Variants in ASTN1 observed in about 807,000 individuals in gnomAD.
ASTN1 encodes astrotactin-1.
ASTN1 carries 41 observed loss-of-function variants against 140.7 expected under a neutral mutation model. The observed-to-expected ratio is 0.29, with a 90% confidence interval of 0.23 to 0.38. ASTN1 has a LOEUF of 0.38. ASTN1 is among the 10% of genes least tolerant of loss of function. The pLI is 1.00. For missense variants in ASTN1, 1,479 were observed against 1,678.8 expected (o/e 0.88, Z 2.08); for synonymous variants, 640 against 652.2 (o/e 0.98, Z 0.29).
At chr1:177,049,587 T>C (rs1271545643) in intron 2 of ASTN1, among the ~76,000 whole-genome samples, 1 of 152,194 alleles carries the variant, frequency 6.6e-6, no homozygotes, top group East Asian at 1.9e-4. Context: ...AAGTTTCACA[T>C]GTTTTTGAGA....
intron 10 of ASTN1, 122 bp downstream of exon 10, chr1:176,958,223 C>T (rs1306421686): frequency 4.1e-6 from 6 of 1,474,300 alleles, no homozygotes; most frequent in Admixed American, 2.1e-5. Context: ...AATTTGCAGG[C>T]TGCCTGCCAA....
At position 176,863,297 on chromosome 1, in the gene ASTN1, C is replaced by T; in HGVS notation, c.*987G>A. 3 of 985,858 alleles carry T rather than the reference C, an allele frequency of 3.0e-6. No homozygotes were observed. The highest frequency in any genetic ancestry group is 3.6e-6 in the Non-Finnish European group (3 of 829,928). The allele number at this position is 985,858 out of a possible 1,614,324, so 61.1% of individuals were successfully genotyped here. Reference sequence around the variant, plus strand: ...CAATAATAGCTTTAGTTCACTGTAACACTGATATGAAAGTGTTGACCCCTC... The same window carrying T: ...CAATAATAGCTTTAGTTCACTGTAATACTGATATGAAAGTGTTGACCCCTC... On this transcript the variant is annotated 3_prime_UTR_variant, in exon 23 of 23. Transcript: ENST00000361833.
At position 177,127,149 on chromosome 1, in the gene ASTN1, A is replaced by T. The variant is rs542789439; in HGVS notation, c.283+37245T>A. On this transcript the variant is annotated intron_variant, in intron 1 of 22. Transcript: ENST00000361833. ...AAAAAATGAAGTTTTATTTTTTTTT[A>T]AAAAAAGAAATTATTCTTCAATTCT... Among the ~76,000 whole-genome samples the T allele has an allele frequency of 4.4e-4, 67 of 151,414 alleles. 1 individual carries two copies. In the East Asian group the frequency reaches 7.9e-3, roughly 18 times the overall value.
intron 8 of ASTN1, among the ~76,000 whole-genome samples, chr1:176,977,296 T>G (rs1353797950): frequency 2.0e-5 from 3 of 152,254 alleles, no homozygotes; most frequent in Non-Finnish European, 4.4e-5. Flanking sequence ...CTCATTCATT[T>G]CTTCATTTAT....
Position 177,102,251 on chromosome 1 carries a change from A to T in ASTN1, c.284-40986T>A, listed in dbSNP as rs374631060. Among the ~76,000 whole-genome samples the T allele has an allele frequency of 9.2e-5, 14 of 152,234 alleles. 1 individual carries two copies. In the East Asian group the frequency reaches 1.5e-3, roughly 17 times the overall value. On this transcript the variant is annotated intron_variant, in intron 1 of 22. Transcript: ENST00000361833. ...AAACTTTGTTAAGTATTATAAGTCA[A>T]TACAGGGTTAAACATTTATATAACC...
At chr1:176,958,050 G>A (rs939296578) in intron 10 of ASTN1, among the ~76,000 whole-genome samples, 2 of 152,190 alleles carry the variant, frequency 1.3e-5, no homozygotes, top group Non-Finnish European at 2.9e-5. Flanking sequence ...AAAGAAAGAG[G>A]TCTAAACTCA....
At chr1:177,036,830 C>CT in intron 2 of ASTN1, among the ~76,000 whole-genome samples, 1 of 150,918 alleles carries the variant, frequency 6.6e-6, no homozygotes, top group Middle Eastern at 3.4e-3. Flanking sequence ...TTCTTTTTTT[C>CT]TTTTTTTGAG....
In ASTN1 at chr1:176,949,091, G is replaced by A. The variant is rs1211600361; in HGVS notation, c.2054+94C>T. On this transcript the variant is annotated intron_variant, in intron 12 of 22. Transcript: ENST00000361833. Reference sequence around the variant, plus strand: ...CAGAGACTAAGGGATGGCCTAGGGTGACCTATTCACTCACATTTCCTGGAT... The same window carrying A: ...CAGAGACTAAGGGATGGCCTAGGGTAACCTATTCACTCACATTTCCTGGAT... 5.3e-6 allele frequency: 8 copies of A among 1,518,786 alleles called. No homozygotes were observed. The African/African-American group carries it at 6.8e-5, about 13-fold the overall frequency. The allele number at this position is 1,518,786 out of a possible 1,614,324, so 94.1% of individuals were successfully genotyped here. A position where few individuals can be genotyped will look rare whatever the true frequency, so the allele number is the denominator to read the frequency against.
At position 177,128,721 on chromosome 1, in the gene ASTN1, T is replaced by C. The variant is rs565611827; in HGVS notation, c.283+35673A>G. ...AAGAATCTAAAAGACTAATCTCCTA[T>C]GGGGCAACTGAGGGAAAGAGTTGTT... On this transcript the variant is annotated intron_variant, in intron 1 of 22. Coordinates refer to ENST00000361833, the MANE Select transcript of ASTN1 (RefSeq NM_004319.3). 7.2e-5 allele frequency among the ~76,000 whole-genome samples: 11 copies of C among 152,278 alleles called. No homozygotes were observed. The South Asian group carries it at 2.3e-3, about 32-fold the overall frequency.
intron 1 of ASTN1, among the ~76,000 whole-genome samples, chr1:177,076,157 T>C (rs924008933): frequency 6.6e-6 from 1 of 151,324 alleles, no homozygotes; most frequent in Non-Finnish European, 1.5e-5. Context: ...CACGAGCCTG[T>C]AGTCCCAGCT....
chr1:176,892,697 C>G (rs904282888), intron 17 of ASTN1, among the ~76,000 whole-genome samples: 9 of 152,254 alleles, frequency 5.9e-5, no homozygotes, highest in African/African-American at 1.9e-4. Context: ...CAACAAAGGT[C>G]AGAAAATGGA....
At chr1:176,910,450 A>G (rs1480461458) in intron 16 of ASTN1, among the ~76,000 whole-genome samples, 1 of 152,240 alleles carries the variant, frequency 6.6e-6, no homozygotes, top group Non-Finnish European at 1.5e-5. Flanking sequence ...GTCCACTCAC[A>G]AGATACGATG....
chr1:176,954,590 A>G (rs1413066138), intron 11 of ASTN1, among the ~76,000 whole-genome samples: 2 of 152,206 alleles, frequency 1.3e-5, no homozygotes, highest in Admixed American at 6.5e-5. Context: ...AGGCACTAAG[A>G]TTATAAGTAC....
chr1:176,995,362 G>A (rs572783015), intron 8 of ASTN1, among the ~76,000 whole-genome samples: 85 of 152,232 alleles, frequency 5.6e-4, no homozygotes, highest in South Asian at 5.0e-3. Context: ...ACAGAAGAGG[G>A]CCACTTTATT....
At chr1:177,074,338 A>G (rs189791960) in intron 1 of ASTN1, among the ~76,000 whole-genome samples, 3 of 152,264 alleles carry the variant, frequency 2.0e-5, no homozygotes, top group Admixed American at 2.0e-4. Flanking sequence ...TTGCTTTCAT[A>G]ATAACTGAGT....
chr1:177,094,920 A>G (rs1679954891), intron 1 of ASTN1, among the ~76,000 whole-genome samples: 1 of 152,192 alleles, frequency 6.6e-6, no homozygotes, highest in South Asian at 2.1e-4. Flanking sequence ...ATTGGTATAA[A>G]TACAGATGAT....
intron 2 of ASTN1, among the ~76,000 whole-genome samples, chr1:177,053,377 G>T (rs1004432925): frequency 6.6e-6 from 1 of 152,136 alleles, no homozygotes; most frequent in Non-Finnish European, 1.5e-5. Context: ...TGAACTTCAG[G>T]AAAGAGAAAA....
intron 16 of ASTN1, among the ~76,000 whole-genome samples, chr1:176,928,257 G>A (rs566609398): frequency 6.6e-6 from 1 of 152,250 alleles, no homozygotes; most frequent in Non-Finnish European, 1.5e-5. Context: ...AGCAGTGGTT[G>A]CCTGATTGCC....
intron 7 of ASTN1, among the ~76,000 whole-genome samples, chr1:177,019,837 G>A (rs1278891125): frequency 5.9e-5 from 9 of 152,024 alleles, no homozygotes; most frequent in Admixed American, 5.9e-4. Context: ...ATATAAAGAG[G>A]GAGCAAAACA....
Sources: gnomAD v4.1 joint callset for allele counts (sites outside exome capture counted in the v4.1 genomes callset) on GRCh38, gnomAD v4.1.1 for gene constraint, MANE v1.5 for transcripts, NCBI Gene and HGNC (gene_info 2026-07-23, HGNC 2026-07-21) for gene names.